The following HNRNPDL variants were observed in gnomAD, a reference collection of about 807,000 sequenced individuals.
HNRNPDL encodes the protein heterogeneous nuclear ribonucleoprotein D-like.
In HNRNPDL, 18 loss-of-function variants were observed where a neutral mutation model predicts 48.0. That is an observed-to-expected ratio of 0.38 (90% CI 0.26 to 0.56). The LOEUF (loss-of-function observed/expected upper bound fraction) is 0.56, where lower values mean the gene tolerates loss of function less well. Among genes scored for constraint, HNRNPDL ranks in the 20% least tolerant of loss-of-function variants. HNRNPDL has a pLI of 0.77. For missense variants in HNRNPDL, 553 were observed against 540.7 expected (o/e 1.02, Z -0.23); for synonymous variants, 306 against 207.3 (o/e 1.48, Z -4.09).
chr4:82,429,120 A>G, intron 1 of HNRNPDL, 128 bp downstream of exon 1: 1 of 820,952 alleles, frequency 1.2e-6, no homozygotes, highest in Non-Finnish European at 2.0e-6. Context: ...CCTCCAATCT[A>G]GTGGGGCCCA....
rs2110030952 is a variant in HNRNPDL at position 82,429,297 on chromosome 4, A to G, written c.394T>C (p.Phe132Leu). ...GCGTTGATCTTGGATCCCTCTGCGAATTCCTCTATATTGCTGTACTCGTTC... is the reference window on the plus strand; with the variant it reads ...GCGTTGATCTTGGATCCCTCTGCGAGTTCCTCTATATTGCTGTACTCGTTC... ...DMNEYSNIEEFAEGSKINASK... is the reference protein window; with the variant it reads ...DMNEYSNIEELAEGSKINASK... Residue 132 changes from phenylalanine to leucine, a missense_variant, in exon 1 of 8, where the codon TTC becomes CTC. By Grantham distance (22) the Phe-to-Leu change is conservative. Coordinates refer to ENST00000295470, the MANE Select transcript of HNRNPDL (RefSeq NM_031372.4). 6.2e-7 allele frequency: 1 copy of G among 1,613,716 alleles called. No individual in the cohort carries two copies. Among genetic ancestry groups the G allele is most frequent in the South Asian group, 1.1e-5 (1 of 91,082 alleles).
In HNRNPDL at chr4:82,422,759, G is replaced by A. The variant is rs1721234059; in HGVS notation, c.*2147C>T. The A allele has an allele frequency of 6.6e-6, 1 of 152,094 alleles. No individual in the cohort carries two copies. The highest frequency in any genetic ancestry group is 1.5e-5 in the Non-Finnish European group (1 of 68,020). 9.4% of individuals were successfully genotyped at this position (152,094 alleles called of 1,614,324 possible). A position where few individuals can be genotyped will look rare whatever the true frequency, so the allele number is the denominator to read the frequency against. On this transcript the variant is annotated 3_prime_UTR_variant, in exon 8 of 8. Coordinates refer to ENST00000295470, the MANE Select transcript of HNRNPDL (RefSeq NM_031372.4). ...CCGAGCATTTGTTATAGGTACTTTA[G>A]AATTAATTTCTATCCTCTTCCCGAG...
chr4:82,426,710 C>T, intron 5 of HNRNPDL, 77 bp from the exon 6 acceptor site: 1 of 1,203,632 alleles, frequency 8.3e-7, no homozygotes, highest in Non-Finnish European at 1.2e-6. Flanking sequence ...GTTCTTGTCT[C>T]TCACTCTGCA....
rs1375277359 is a variant in HNRNPDL, at chr4:82,427,539, T to G, written c.800A>C (p.Asp267Ala). 2 of 1,608,680 alleles carry G rather than the reference T, an allele frequency of 1.2e-6. No homozygotes were observed. The highest frequency in any genetic ancestry group is 1.7e-6 in the Non-Finnish European group (2 of 1,178,374). ...GEIENIELPMDTKTNERRGFC... is the reference protein window; with the variant it reads ...GEIENIELPMATKTNERRGFC... ...TCCTCTTCTTTCATTTGTTTTTGTA[T>G]CCATGGGAAGTTCAATATTTTCAAT... The change falls in exon 4 of 8, where the codon GAT (aspartate) becomes GCT (alanine). Residue 267 changes from aspartate to alanine, a missense_variant. Coordinates refer to ENST00000295470, the MANE Select transcript of HNRNPDL (RefSeq NM_031372.4).
intron 5 of HNRNPDL, among the ~76,000 whole-genome samples, 187 bp from the exon 6 acceptor site, chr4:82,426,820 T>C (rs1311842379): frequency 2.0e-5 from 3 of 152,326 alleles, no homozygotes; most frequent in East Asian, 3.9e-4. Context: ...ATTGTGCCAG[T>C]ATCAAACTTC....
Position 82,424,534 on chromosome 4 carries a change from A to C in HNRNPDL, c.*372T>G, listed in dbSNP as rs1721335983. ...AAAGGACCACAGTTTCTCTGTATGGACCAATACTCTACAAAATCAACTGTG... is the reference window on the plus strand; with the variant it reads ...AAAGGACCACAGTTTCTCTGTATGGCCCAATACTCTACAAAATCAACTGTG... On this transcript the variant is annotated 3_prime_UTR_variant, in exon 8 of 8. Coordinates refer to ENST00000295470, the MANE Select transcript of HNRNPDL (RefSeq NM_031372.4). 1 of 152,648 alleles carries C rather than the reference A, an allele frequency of 6.6e-6. No homozygotes were observed. The highest frequency in any genetic ancestry group is 1.5e-5 in the Non-Finnish European group (1 of 68,040). The allele number at this position is 152,648 out of a possible 1,614,324, so 9.5% of individuals were successfully genotyped here.
intron 5 of HNRNPDL, 56 bp from the exon 6 acceptor site, chr4:82,426,689 TA>T (rs3217298): frequency 4.3e-6 from 6 of 1,401,514 alleles, no homozygotes; most frequent in Non-Finnish European, 5.1e-6. Flanking sequence ...AATTCTAACA[TA>T]AAATGATGCG....
Position 82,428,341 on chromosome 4 carries a change from T to A in HNRNPDL, c.549A>T (p.Pro183=). ...CAAATCCTCTTGATCTCCCAGTGAC[T>A]GGATCTGTTTTAATTGTGCAGTCTA... ...EVVDCTIKTD[P]VTGRSRGFGF... is the part of the protein sequence containing the mutation. The change falls in exon 2 of 8, where the codon CCA becomes CCT. Residue 183 remains proline, a synonymous_variant. Transcript: ENST00000295470. 2.5e-6 allele frequency: 4 copies of A among 1,614,058 alleles called. No homozygotes were observed.
chr4:82,429,243 G>C lies in HNRNPDL; in HGVS notation c.443+5C>G. On this transcript the variant is annotated splice_donor_5th_base_variant and intron_variant, in intron 1 of 7. Transcript: ENST00000295470. Reference sequence around the variant, plus strand: ...AGGGGGAGCGGGGGAAGAAGCGTGCGGTACCCGTCATCCTGCTGATTCTTG... The same window carrying C: ...AGGGGGAGCGGGGGAAGAAGCGTGCCGTACCCGTCATCCTGCTGATTCTTG... 1 of 1,612,762 alleles carries C rather than the reference G, an allele frequency of 6.2e-7. No individual in the cohort carries two copies. The highest frequency in any genetic ancestry group is 8.5e-7 in the Non-Finnish European group (1 of 1,179,550).
Position 82,428,343 on chromosome 4 carries a change from G to A in HNRNPDL, c.547C>T (p.Pro183Ser). ...EVVDCTIKTD[P>S]VTGRSRGFGF... Reference sequence around the variant, plus strand: ...AATCCTCTTGATCTCCCAGTGACTGGATCTGTTTTAATTGTGCAGTCTACA... The same window carrying A: ...AATCCTCTTGATCTCCCAGTGACTGAATCTGTTTTAATTGTGCAGTCTACA... Residue 183 changes from proline to serine, a missense_variant, in exon 2 of 8, where the codon CCA becomes TCA. Transcript: ENST00000295470. 2 of 1,613,876 alleles carry A rather than the reference G, an allele frequency of 1.2e-6. No homozygotes were observed. Among genetic ancestry groups the A allele is most frequent in the South Asian group, 1.1e-5 (1 of 91,074 alleles).
In HNRNPDL at chr4:82,429,753, GAATCAGAAGAGAAA is replaced by G. The variant is rs1721636944; in HGVS notation, c.-77_-64del. The G allele has an allele frequency of 8.1e-7, 1 of 1,239,378 alleles. No homozygotes were observed. Among genetic ancestry groups the G allele is most frequent in the Non-Finnish European group, 1.0e-6 (1 of 967,724 alleles). The allele number at this position is 1,239,378 out of a possible 1,614,324, so 76.8% of individuals were successfully genotyped here. The stretch of plus-strand genomic sequence containing the variant: ...GGGACGCGGGCTTGGGAGAAGAGAA[GAATCAGAAGAGAAA>G]AACGAAGGGGCGTAAATTCCTGGGG... On this transcript the variant is annotated 5_prime_UTR_variant, in exon 1 of 8. Coordinates refer to ENST00000295470, the MANE Select transcript of HNRNPDL (RefSeq NM_031372.4).
chr4:82,422,579 C>T lies in HNRNPDL; in HGVS notation c.*2327G>A, dbSNP rs1349052210. The T allele has an allele frequency of 1.3e-5, 2 of 152,184 alleles. No individual in the cohort carries two copies. Among genetic ancestry groups the T allele is most frequent in the African/African-American group, 4.8e-5 (2 of 41,454 alleles). 9.4% of individuals were successfully genotyped at this position (152,184 alleles called of 1,614,324 possible). On this transcript the variant is annotated 3_prime_UTR_variant, in exon 8 of 8. Coordinates refer to ENST00000295470, the MANE Select transcript of HNRNPDL (RefSeq NM_031372.4). Reference sequence around the variant, plus strand: ...TTATCCACGCTAGCATCCCAACAGACATCTCATTTTAATAGTCCTCATCTT... The same window carrying T: ...TTATCCACGCTAGCATCCCAACAGATATCTCATTTTAATAGTCCTCATCTT...
Position 82,429,598 on chromosome 4 carries a change from C to G in HNRNPDL, c.93G>C (p.Arg31=), listed in dbSNP as rs1721622323. The G allele has an allele frequency of 2.2e-6, 3 of 1,379,498 alleles. No individual in the cohort carries two copies. The highest frequency in any genetic ancestry group is 2.8e-6 in the Non-Finnish European group (3 of 1,070,084). 85.5% of individuals were successfully genotyped at this position (1,379,498 alleles called of 1,614,324 possible). The part of the protein sequence containing the change: ...TLASRSLSHW[R]PRPPRQLAPL... ...GGGCTAGCTGCCGCGGCGGCCGCGG[C>G]CGCCAATGGGAGAGGCTGCGGGAGG... The change falls in exon 1 of 8, where the codon CGG becomes CGC. Residue 31 remains arginine (R), a synonymous_variant. Transcript: ENST00000295470.
At chr4:82,425,445 A>G (rs1257833155) in intron 7 of HNRNPDL, 3 of 152,818 alleles carry the variant, frequency 2.0e-5, no homozygotes, top group African/African-American at 7.2e-5. Flanking sequence ...ACTCCTGTAA[A>G]AAACCATTTA....
chr4:82,428,677 C>G (rs1012890888), intron 1 of HNRNPDL, among the ~76,000 whole-genome samples: 1 of 152,178 alleles, frequency 6.6e-6, no homozygotes, highest in Non-Finnish European at 1.5e-5. Flanking sequence ...CAAAAGAGAC[C>G]AATAAAATAC....
intron 3 of HNRNPDL, 56 bp downstream of exon 3, chr4:82,427,962 G>A (rs904244584): frequency 6.5e-7 from 1 of 1,535,316 alleles, no homozygotes; most frequent in African/African-American, 1.4e-5. Context: ...AATCGGACAA[G>A]GATTGAACAT....
In HNRNPDL at chr4:82,423,787, G is replaced by T. The variant is rs1238989424; in HGVS notation, c.*1119C>A. ...CCACTGTAATGACTCAGTCACATTT[G>T]TAATGACTTAGTCACATTTGTAATG... is the stretch of plus-strand genomic sequence containing the variant. On this transcript the variant is annotated 3_prime_UTR_variant, in exon 8 of 8. Coordinates refer to ENST00000295470, the MANE Select transcript of HNRNPDL (RefSeq NM_031372.4). The T allele has an allele frequency of 6.6e-6, 1 of 151,584 alleles. No individual in the cohort carries two copies. Among genetic ancestry groups the T allele is most frequent in the African/African-American group, 2.4e-5 (1 of 41,256 alleles). 9.4% of individuals were successfully genotyped at this position (151,584 alleles called of 1,614,324 possible). A position where few individuals can be genotyped will look rare whatever the true frequency, so the allele number is the denominator to read the frequency against.
Position 82,423,740 on chromosome 4 carries a change from C to A in HNRNPDL, c.*1166G>T, listed in dbSNP as rs567752579. 5.9e-5 allele frequency: 9 copies of A among 152,302 alleles called. No homozygotes were observed. The highest frequency in any genetic ancestry group is 5.9e-4 in the Admixed American group (9 of 15,298). 9.4% of individuals were successfully genotyped at this position (152,302 alleles called of 1,614,324 possible). ...CTGAAACCTGGATATAAAACGGATT[C>A]TTTTCAATGCACCCAGAGGGTCCAC... On this transcript the variant is annotated 3_prime_UTR_variant, in exon 8 of 8. Transcript: ENST00000295470.
Position 82,423,442 on chromosome 4 carries a change from ACAGCAGCAAAAAAG to A in HNRNPDL, c.*1450_*1463del, listed in dbSNP as rs1721272227. ...TTGGCCTAAGTTTAAGAATAGCAAAACAGCAGCAAAAAAGAGGCCAAGAGCATTATAATGTGATA... is the reference window on the plus strand; with the variant it reads ...TTGGCCTAAGTTTAAGAATAGCAAAAAGGCCAAGAGCATTATAATGTGATA... On this transcript the variant is annotated 3_prime_UTR_variant, in exon 8 of 8. Transcript: ENST00000295470. 6.6e-6 allele frequency: 1 copy of A among 152,180 alleles called. No individual in the cohort carries two copies. The highest frequency in any genetic ancestry group is 1.5e-5 in the Non-Finnish European group (1 of 68,020). 9.4% of individuals were successfully genotyped at this position (152,180 alleles called of 1,614,324 possible). A position where few individuals can be genotyped will look rare whatever the true frequency, so the allele number is the denominator to read the frequency against.
Sources: gnomAD v4.1 joint callset for allele counts (sites outside exome capture counted in the v4.1 genomes callset) on GRCh38, gnomAD v4.1.1 for gene constraint, MANE v1.5 for transcripts, NCBI Gene and HGNC (gene_info 2026-07-23, HGNC 2026-07-21) for gene names.